The following LLGL2 variants were observed in gnomAD, a reference collection of about 807,000 sequenced individuals.
LLGL2 encodes the protein LLGL2, scribble cell polarity complex component.
Under a neutral mutation model 123.2 loss-of-function variants are expected in LLGL2, and 81 were observed. That is an observed-to-expected ratio of 0.66 (90% CI 0.55 to 0.79). The LOEUF is 0.79. Among genes scored for constraint, LLGL2 ranks in the 30% least tolerant of loss-of-function variants. LLGL2 has a pLI of 0.00. For missense variants in LLGL2, 1,273 were observed against 1,414.6 expected, an observed-to-expected ratio of 0.90 and a Z score of 1.61; for synonymous variants, 577 against 594.1, an observed-to-expected ratio of 0.97 and a Z score of 0.42.
At chr17:75,562,576 CTTTT>C (rs929606413) in intron 6 of LLGL2, 10 of 193,726 alleles carry the variant, frequency 5.2e-5, no homozygotes, top group Admixed American at 1.6e-4. Context: ...ATCTTTCTTT[CTTTT>C]TTTTTGGAAA....
At chr17:75,547,152 A>G (rs1025746461) in intron 2 of LLGL2, among the ~76,000 whole-genome samples, 5 of 152,224 alleles carry the variant, frequency 3.3e-5, no homozygotes, top group Admixed American at 1.3e-4. Context: ...CGATGCCTCA[A>G]AGAGAGCAAG....
rs746509659 is a variant in LLGL2 at position 75,563,778 on chromosome 17, A to G, written c.853A>G (p.Arg285Gly). The change falls in exon 9 of 26, where the codon AGA becomes GGA. Residue 285 changes from arginine to glycine, a missense_variant. Arg to Gly is a moderately radical substitution (Grantham distance 125, BLOSUM62 -2). Coordinates refer to ENST00000392550, the MANE Select transcript of LLGL2 (RefSeq NM_001031803.2). ...YGPFPCKAIT[R>G]ILWLTTRQGL... ...TCCCTTTCCTTGCAAAGCGATTACC[A>G]GAATCCTCTGGCTGACCACTAGGCA... 1.9e-6 allele frequency: 3 copies of G among 1,613,940 alleles called. No individual in the cohort carries two copies. Among genetic ancestry groups the G allele is most frequent in the Non-Finnish European group, 2.5e-6 (3 of 1,180,028 alleles).
chr17:75,528,119 T>G (rs893919115), intron 1 of LLGL2, among the ~76,000 whole-genome samples: 1 of 151,060 alleles, frequency 6.6e-6, no homozygotes, highest in Admixed American at 6.6e-5. Flanking sequence ...TTTTATTTAT[T>G]TATTTATTTA....
chr17:75,571,115 T>C lies in LLGL2; in HGVS notation c.2176+15T>C. The C allele has an allele frequency of 7.3e-7, 1 of 1,371,172 alleles. No homozygotes were observed. The highest frequency in any genetic ancestry group is 1.0e-6 in the Non-Finnish European group (1 of 986,246). The allele number at this position is 1,371,172 out of a possible 1,614,324, so 84.9% of individuals were successfully genotyped here. A position where few individuals can be genotyped will look rare whatever the true frequency, so the allele number is the denominator to read the frequency against. ...CCTGAAGGACAGTGAGTGGCCAGCC[T>C]GGGGTTGGGGGGCAGGGGGTAGTGG... is the stretch of plus-strand genomic sequence containing the variant. On this transcript the variant is annotated intron_variant, in intron 17 of 25. Coordinates refer to ENST00000392550, the MANE Select transcript of LLGL2 (RefSeq NM_001031803.2).
chr17:75,573,730 C>T, intron 21 of LLGL2, 99 bp downstream of exon 21: 1 of 1,342,256 alleles, frequency 7.5e-7, no homozygotes, highest in Non-Finnish European at 1.0e-6. Flanking sequence ...GAGGCACCTC[C>T]CCACGAGCTC....
chr17:75,540,275 G>A (rs1440538896), intron 1 of LLGL2, among the ~76,000 whole-genome samples: 1 of 152,204 alleles, frequency 6.6e-6, no homozygotes, highest in Non-Finnish European at 1.5e-5. Context: ...GTCTGGGGTG[G>A]GGAGCTGAGG....
intron 1 of LLGL2, 30 bp from the exon 2 acceptor site, chr17:75,543,367 A>G (rs2054291122): frequency 2.0e-6 from 3 of 1,510,248 alleles, no homozygotes; most frequent in South Asian, 2.4e-5. Flanking sequence ...GTGCCAGGAC[A>G]GACCCCTGCA....
Position 75,564,827 on chromosome 17 carries a change from G to T in LLGL2, c.1036+320G>T. The T allele has an allele frequency of 2.2e-5, 5 of 228,148 alleles. No individual in the cohort carries two copies. Among genetic ancestry groups the T allele is most frequent in the South Asian group, 1.2e-4 (1 of 8,102 alleles). 14.1% of individuals were successfully genotyped at this position (228,148 alleles called of 1,614,324 possible). A position where few individuals can be genotyped will look rare whatever the true frequency, so the allele number is the denominator to read the frequency against. On this transcript the variant is annotated intron_variant, in intron 10 of 25. Coordinates refer to ENST00000392550, the MANE Select transcript of LLGL2 (RefSeq NM_001031803.2). The surrounding 1 kb of genome is among the most constrained non-coding windows in gnomAD (Gnocchi z 4.9). ...TGCAGCGAACCAGGATCATGCTACTGTACTCAGCCTGGGTGACATAGCCAG... is the reference window on the plus strand; with the variant it reads ...TGCAGCGAACCAGGATCATGCTACTTTACTCAGCCTGGGTGACATAGCCAG...
rs955666257 is a variant in LLGL2 at position 75,564,613 on chromosome 17, A to T, written c.1036+106A>T. ...TGCAGTGGCTCCTGCCTGTAACCCC[A>T]GTGCTGTGGGAGGCCAAGGTGGTAG... On this transcript the variant is annotated intron_variant, in intron 10 of 25. Transcript: ENST00000392550. The surrounding 1 kb of genome is among the most constrained non-coding windows in gnomAD (Gnocchi z 4.9). 1.9e-6 allele frequency: 3 copies of T among 1,543,442 alleles called. No individual in the cohort carries two copies. The highest frequency in any genetic ancestry group is 2.7e-5 in the African/African-American group (2 of 73,662).
intron 22 of LLGL2, 60 bp from the exon 23 acceptor site, chr17:75,574,153 G>C: frequency 6.6e-7 from 1 of 1,522,692 alleles, no homozygotes; most frequent in African/African-American, 1.4e-5. Context: ...AGTAAGGAGA[G>C]AGAGAGCCAG....
intron 2 of LLGL2, among the ~76,000 whole-genome samples, chr17:75,555,423 A>AGT (rs776786578): frequency 1.3e-5 from 2 of 150,938 alleles, no homozygotes; most frequent in African/African-American, 4.9e-5. Flanking sequence ...GGTTTTTCAC[A>AGT]GTGTGTGTGT....
Position 75,525,751 on chromosome 17 carries a change from G to A in LLGL2, c.-105G>A, listed in dbSNP as rs1299130491. 1 of 149,134 alleles carries A rather than the reference G, an allele frequency of 6.7e-6. No homozygotes were observed. Among genetic ancestry groups the A allele is most frequent in the East Asian group, 2.0e-4 (1 of 5,032 alleles). 9.2% of individuals were successfully genotyped at this position (149,134 alleles called of 1,614,324 possible). A position where few individuals can be genotyped will look rare whatever the true frequency, so the allele number is the denominator to read the frequency against. ...CGCCCAGCAGCCCGTGGGCAGGCGCGGCGGAGCGAGCGGGGCCGGCGGCGG... is the reference window on the plus strand; with the variant it reads ...CGCCCAGCAGCCCGTGGGCAGGCGCAGCGGAGCGAGCGGGGCCGGCGGCGG... On this transcript the variant is annotated 5_prime_UTR_variant, in exon 1 of 26. Transcript: ENST00000392550. The surrounding 1 kb of genome is among the most constrained non-coding windows in gnomAD (Gnocchi z 4.8).
At chr17:75,531,160 C>A (rs2053771361) in intron 1 of LLGL2, among the ~76,000 whole-genome samples, 1 of 152,084 alleles carries the variant, frequency 6.6e-6, no homozygotes, top group South Asian at 2.1e-4. Context: ...TGCCATTGTG[C>A]CCCCTTTCAA....
At chr17:75,562,398 C>T (rs1412746034) in intron 6 of LLGL2, 2 of 155,090 alleles carry the variant, frequency 1.3e-5, no homozygotes, top group African/African-American at 4.8e-5. Context: ...GTCTTATGCA[C>T]CCTTCCTAGT....
chr17:75,566,218 C>T (rs1281936782), intron 10 of LLGL2, among the ~76,000 whole-genome samples: 4 of 152,162 alleles, frequency 2.6e-5, no homozygotes, highest in East Asian at 1.9e-4. Context: ...AGCGCCAGAT[C>T]GTATAGAGCC....
At chr17:75,525,375 G>A (rs1407954365), upstream of LLGL2, among the ~76,000 whole-genome samples, 1 of 152,096 alleles carries the variant, frequency 6.6e-6, no homozygotes, top group Non-Finnish European at 1.5e-5. This position sits in a 1 kb window ranked among gnomAD's most constrained non-coding sequence, Gnocchi z 4.8. Flanking sequence ...GGCTCCCCTG[G>A]AGTCTGGGAG....
In LLGL2 at chr17:75,525,712, A is replaced by G. The variant is rs910546665; in HGVS notation, c.-144A>G. 1.3e-5 allele frequency: 2 copies of G among 150,654 alleles called. No homozygotes were observed. The highest frequency in any genetic ancestry group is 3.0e-5 in the Non-Finnish European group (2 of 67,484). 9.3% of individuals were successfully genotyped at this position (150,654 alleles called of 1,614,324 possible). A position where few individuals can be genotyped will look rare whatever the true frequency, so the allele number is the denominator to read the frequency against. On this transcript the variant is annotated 5_prime_UTR_variant, in exon 1 of 26. Coordinates refer to ENST00000392550, the MANE Select transcript of LLGL2 (RefSeq NM_001031803.2). This position sits in a 1 kb window ranked among gnomAD's most constrained non-coding sequence, Gnocchi z 4.8. Reference sequence around the variant, plus strand: ...CAGGCTCGCCGCGCCGGAGGTGAGCAGGAAGGAGACGGCCGCCCAGCAGCC... The same window carrying G: ...CAGGCTCGCCGCGCCGGAGGTGAGCGGGAAGGAGACGGCCGCCCAGCAGCC...
rs1324252272 is a variant in LLGL2 at position 75,564,089 on chromosome 17, A to G, written c.882-264A>G. Among the ~76,000 whole-genome samples the G allele has an allele frequency of 3.3e-5, 5 of 152,254 alleles. No individual in the cohort carries two copies. In the East Asian group the frequency reaches 5.8e-4, roughly 18 times the overall value. ...AGTTGGCAGCCCTGTTTCTTCAGAC[A>G]AAATCACTCTGGGTGATGTTCAAAC... On this transcript the variant is annotated intron_variant, in intron 9 of 25. Coordinates refer to ENST00000392550, the MANE Select transcript of LLGL2 (RefSeq NM_001031803.2). This position sits in a 1 kb window ranked among gnomAD's most constrained non-coding sequence, Gnocchi z 4.9.
At chr17:75,536,504 G>C (rs1268569450) in intron 1 of LLGL2, among the ~76,000 whole-genome samples, 1 of 152,138 alleles carries the variant, frequency 6.6e-6, no homozygotes, top group Non-Finnish European at 1.5e-5. Flanking sequence ...GTGTCTCTAG[G>C]GGGTACCTCT....
Sources: gnomAD v4.1 joint callset for allele counts (sites outside exome capture counted in the v4.1 genomes callset) on GRCh38, gnomAD v4.1.1 for gene constraint, Gnocchi (gnomAD v3.1) non-coding constraint, MANE v1.5 for transcripts, NCBI Gene and HGNC (gene_info 2026-07-23, HGNC 2026-07-21) for gene names.